CMIP: variants seen among roughly 807,000 people sequenced by gnomAD.
CMIP encodes c-Maf inducing protein, also known as C-Maf-inducing protein.
CMIP carries 13 observed loss-of-function variants against 97.3 expected under a neutral mutation model. The ratio of observed to expected loss-of-function variants is 0.13; its 90% confidence interval spans 0.09 to 0.21. The LOEUF (loss-of-function observed/expected upper bound fraction) is 0.21. CMIP is among the 10% of genes least tolerant of loss of function. CMIP has a pLI of 1.00. For missense variants in CMIP, 847 were observed against 1,024.9 expected (o/e 0.83, Z 2.37); for synonymous variants, 538 against 436.3 (o/e 1.23, Z -2.91).
chr16:81,604,519 G>A (rs774868452), intron 1 of CMIP, among the ~76,000 whole-genome samples: 1 of 151,696 alleles, frequency 6.6e-6, no homozygotes, highest in Non-Finnish European at 1.5e-5. Context: ...CCAAGATGGT[G>A]AAACCCCATC....
chr16:81,644,075 T>TA (rs1211294099), intron 3 of CMIP, among the ~76,000 whole-genome samples: 2 of 152,328 alleles, frequency 1.3e-5, no homozygotes, highest in African/African-American at 4.8e-5. Context: ...GTTGACCCTA[T>TA]AGCCCTGACC....
intron 1 of CMIP, among the ~76,000 whole-genome samples, chr16:81,485,681 A>G (rs2089302972): frequency 6.6e-6 from 1 of 152,226 alleles, no homozygotes; most frequent in African/African-American, 2.4e-5. Flanking sequence ...GAGCACTTAT[A>G]ATATGCCAGA....
chr16:81,658,161 G>T (rs1024173778), intron 5 of CMIP, among the ~76,000 whole-genome samples: 1 of 152,182 alleles, frequency 6.6e-6, no homozygotes, highest in South Asian at 2.1e-4. Flanking sequence ...AAAGGTAAAC[G>T]TTCTCTTTCT....
rs948293834 is a variant in CMIP, at chr16:81,621,483, T to TC, written c.477+562dup. On this transcript the variant is annotated intron_variant, in intron 3 of 20. Coordinates refer to ENST00000537098, the MANE Select transcript of CMIP (RefSeq NM_198390.3). This position sits in a 1 kb window ranked among gnomAD's most constrained non-coding sequence, Gnocchi z 4.1. ...CCAGGGGCAGATCTTCTAAGAGGGG[T>TC]CCCCCAGCCACCCGAGGAGCCTGAG... The TC allele has an allele frequency of 6.5e-6, 1 of 152,902 alleles. No individual in the cohort carries two copies. Among genetic ancestry groups the TC allele is most frequent in the Non-Finnish European group, 1.5e-5 (1 of 68,502 alleles). The allele number at this position is 152,902 out of a possible 1,614,324, so 9.5% of individuals were successfully genotyped here.
At chr16:81,516,485 C>A (rs186075339) in intron 1 of CMIP, among the ~76,000 whole-genome samples, 1 of 152,228 alleles carries the variant, frequency 6.6e-6, no homozygotes, top group Non-Finnish European at 1.5e-5. Context: ...CCTCCCCACT[C>A]CCTTCCCTGG....
rs115622643 is a variant in CMIP, at chr16:81,606,186, C to T, written c.301-1381C>T. Among the ~76,000 whole-genome samples, 575 of 152,150 alleles carry T rather than the reference C, an allele frequency of 3.8e-3. 8 individuals are homozygous for T. Among genetic ancestry groups the T allele is most frequent in the African/African-American group, 0.013 (560 of 41,530 alleles). ...GCTTCTGATTCCGGAGTCAGATGGC[C>T]GAGTTCAGTCTTGGCCATGCCACTC... is the stretch of plus-strand genomic sequence containing the variant. On this transcript the variant is annotated intron_variant, in intron 1 of 20. Transcript: ENST00000537098.
rs570530805 is a variant in CMIP, at chr16:81,612,509, C to G, written c.426+4817C>G. On this transcript the variant is annotated intron_variant, in intron 2 of 20. Coordinates refer to ENST00000537098, the MANE Select transcript of CMIP (RefSeq NM_198390.3). ...TGGAAAGCACCAGAAAGGTCTCACT[C>G]TCTAGCTTCCAGTAAGAAAGGAAGC... Among the ~76,000 whole-genome samples the G allele has an allele frequency of 1.8e-4, 28 of 152,306 alleles. No individual in the cohort carries two copies. In the East Asian group the frequency reaches 5.2e-3, roughly 28 times the overall value.
intron 1 of CMIP, among the ~76,000 whole-genome samples, chr16:81,496,013 G>A (rs963734803): frequency 1.3e-5 from 2 of 152,210 alleles, no homozygotes; most frequent in African/African-American, 2.4e-5. Flanking sequence ...GAAGCAGGGC[G>A]TTGTTCCAGG....
intron 10 of CMIP, among the ~76,000 whole-genome samples, chr16:81,686,506 G>A (rs28651069): frequency 0.11 from 16,701 of 152,176 alleles, 1,059 homozygotes; most frequent in African/African-American, 0.17. Context: ...CTCACATACC[G>A]CTCTGGAGAT....
chr16:81,701,431 C>G (rs1174270080), intron 15 of CMIP, among the ~76,000 whole-genome samples: 1 of 152,200 alleles, frequency 6.6e-6, no homozygotes, highest in Non-Finnish European at 1.5e-5. Flanking sequence ...TGGGAGACTC[C>G]CATGTCCATT....
At chr16:81,701,852 G>C in intron 16 of CMIP, 52 bp downstream of exon 16, 1 of 1,606,412 alleles carries the variant, frequency 6.2e-7, no homozygotes, top group Non-Finnish European at 8.5e-7. Context: ...GCCAGGGGGG[G>C]CCAGGGCGGG....
chr16:81,574,308 A>T (rs1348408082), intron 1 of CMIP, among the ~76,000 whole-genome samples: 1 of 106,224 alleles, frequency 9.4e-6, no homozygotes, highest in Non-Finnish European at 2.2e-5. Context: ...GCCACCTCTC[A>T]GCCCTTCTGG....
chr16:81,476,446 A>C (rs1907924624), intron 1 of CMIP: 8 of 914,360 alleles, frequency 8.7e-6, no homozygotes, highest in South Asian at 7.7e-5. Context: ...CTTGTTTGCA[A>C]ACAGCTCGAA....
intron 1 of CMIP, among the ~76,000 whole-genome samples, chr16:81,575,591 C>T (rs550372059): frequency 2.6e-5 from 4 of 152,296 alleles, no homozygotes. Flanking sequence ...CCAACACCCC[C>T]AGGACAACTC....
chr16:81,537,516 CAG>C (rs2090365231), intron 1 of CMIP, among the ~76,000 whole-genome samples: 2 of 115,742 alleles, frequency 1.7e-5, no homozygotes, highest in African/African-American at 6.9e-5. Context: ...GCTTGGGTGA[CAG>C]AGAGAGACTC....
chr16:81,650,937 G>T (rs1171193798), intron 3 of CMIP, among the ~76,000 whole-genome samples: 1 of 152,192 alleles, frequency 6.6e-6, no homozygotes, highest in Non-Finnish European at 1.5e-5. Context: ...ACTTGGCATG[G>T]AATGTGTCCC....
intron 1 of CMIP, among the ~76,000 whole-genome samples, chr16:81,593,384 G>T (rs1567599250): frequency 6.6e-6 from 1 of 152,096 alleles, no homozygotes; most frequent in Non-Finnish European, 1.5e-5. Flanking sequence ...GGGGTTGGAG[G>T]GCGGGGGGAG....
chr16:81,517,681 A>T (rs1269430000), intron 1 of CMIP: 2 of 152,254 alleles, frequency 1.3e-5, no homozygotes, highest in Non-Finnish European at 2.9e-5. Flanking sequence ...AAAAAGCCCC[A>T]CATTTTAGCC....
At chr16:81,592,436 C>T (rs1169897094) in intron 1 of CMIP, among the ~76,000 whole-genome samples, 1 of 152,226 alleles carries the variant, frequency 6.6e-6, no homozygotes, top group Non-Finnish European at 1.5e-5. Flanking sequence ...GGCTCAAAGG[C>T]CACCTCTGGG....
Sources: gnomAD v4.1 joint callset for allele counts (sites outside exome capture counted in the v4.1 genomes callset) on GRCh38, gnomAD v4.1.1 for gene constraint, Gnocchi (gnomAD v3.1) non-coding constraint, MANE v1.5 for transcripts, NCBI Gene and HGNC (gene_info 2026-07-23, HGNC 2026-07-21) for gene names.